SVIL: variants seen among roughly 807,000 people sequenced by gnomAD.
SVIL encodes supervillin.
In SVIL, 101 loss-of-function variants were observed where a neutral mutation model predicts 240.4. The ratio of observed to expected loss-of-function variants is 0.42; its 90% CI spans 0.36 to 0.50. The LOEUF (loss-of-function observed/expected upper bound fraction) is 0.50, where lower values mean the gene tolerates loss of function less well. Among genes scored for constraint, SVIL ranks in the 20% least tolerant of loss-of-function variants. The pLI, the probability that SVIL is intolerant of heterozygous loss-of-function variation, is 0.01. For synonymous variants in SVIL, 999 were observed against 1,100.0 expected (o/e 0.91, Z 1.82); for missense variants, 2,512 against 2,818.7 (o/e 0.89, Z 2.46).
intron 1 of SVIL, among the ~76,000 whole-genome samples, chr10:29,595,736 G>A (rs1384708653): frequency 6.6e-6 from 1 of 152,138 alleles, no homozygotes; most frequent in Non-Finnish European, 1.5e-5. Context: ...AGCAGGCAAC[G>A]CGGTCTTCGG....
intron 6 of SVIL, among the ~76,000 whole-genome samples, chr10:29,550,129 T>C (rs1024240627): frequency 5.9e-5 from 9 of 151,558 alleles, no homozygotes; most frequent in African/African-American, 1.9e-4. Context: ...GAACCTGTTT[T>C]GATATGGCTG....
At chr10:29,597,614 G>C (rs931797140) in intron 1 of SVIL, among the ~76,000 whole-genome samples, 1 of 151,996 alleles carries the variant, frequency 6.6e-6, no homozygotes, top group African/African-American at 2.4e-5. Flanking sequence ...TGGCCAGGCT[G>C]GTCTCGAACT....
intron 1 of SVIL, among the ~76,000 whole-genome samples, chr10:29,583,791 G>GA (rs1375732187): frequency 1.3e-5 from 2 of 152,222 alleles, no homozygotes; most frequent in Non-Finnish European, 2.9e-5. Flanking sequence ...GTGCCTTGGG[G>GA]AGGTCATGAC....
chr10:29,605,441 T>C (rs937306034), intron 1 of SVIL, among the ~76,000 whole-genome samples: 1 of 152,238 alleles, frequency 6.6e-6, no homozygotes, highest in African/African-American at 2.4e-5. Context: ...CCAGATATGG[T>C]ACATTTCTTT....
At chr10:29,653,484 T>C (rs561403179) in intron 3 of SVIL, among the ~76,000 whole-genome samples, 7 of 152,226 alleles carry the variant, frequency 4.6e-5, no homozygotes, top group African/African-American at 7.2e-5. Context: ...TAGTTCTTTA[T>C]AGCAATGCGA....
At chr10:29,694,071 A>G (rs1466168638) in intron 1 of SVIL, among the ~76,000 whole-genome samples, 1 of 152,062 alleles carries the variant, frequency 6.6e-6, no homozygotes, top group Non-Finnish European at 1.5e-5. Context: ...CCCCCTACCC[A>G]GAATTGTAAT....
rs368723537 is a variant in SVIL at position 29,550,986 on chromosome 10, G to A, written c.438C>T (p.Val146=). Residue 146 remains valine, a synonymous_variant, in exon 6 of 38, where the codon GTC becomes GTT. Transcript: ENST00000355867. Reference sequence around the variant, plus strand: ...TGTCACTTTTTCCTCCCCGCTTCTCGACAGCATCAGGCTCCTTCCTGGACT... The same window carrying A: ...TGTCACTTTTTCCTCCCCGCTTCTCAACAGCATCAGGCTCCTTCCTGGACT... The part of the protein sequence containing the change: ...YTKSRKEPDA[V]EKRGGKSDKQ... The A allele has an allele frequency of 2.1e-5, 34 of 1,613,946 alleles. No homozygotes were observed. In the Admixed American group the frequency reaches 4.8e-4, roughly 23 times the overall value.
At chr10:29,514,322 G>A (rs952390962) in intron 16 of SVIL, among the ~76,000 whole-genome samples, 1 of 151,442 alleles carries the variant, frequency 6.6e-6, no homozygotes, top group Non-Finnish European at 1.5e-5. Flanking sequence ...CTGCAGCCTC[G>A]AATTCCTGGG....
At chr10:29,554,730 C>T (rs918477114) in intron 5 of SVIL, 53 bp downstream of exon 5, 30 of 1,469,834 alleles carry the variant, frequency 2.0e-5, no homozygotes, top group African/African-American at 1.3e-4. Context: ...AAGGGCAACT[C>T]GTAACCAGCC....
intron 8 of SVIL, 27 bp downstream of exon 8, chr10:29,532,502 C>T (rs1246458478): frequency 6.3e-7 from 1 of 1,584,922 alleles, no homozygotes; most frequent in African/African-American, 1.3e-5. Flanking sequence ...AGTGACACAG[C>T]TGGAGGGCGT....
chr10:29,715,994 T>C (rs1963587903), intron 1 of SVIL, among the ~76,000 whole-genome samples: 1 of 152,230 alleles, frequency 6.6e-6, no homozygotes. Context: ...TAAAACATGT[T>C]CCATTAAACA....
intron 6 of SVIL, among the ~76,000 whole-genome samples, chr10:29,537,153 A>G (rs7919441): frequency 0.35 from 52,677 of 151,838 alleles, 10,492 homozygotes; most frequent in African/African-American, 0.56. Context: ...ATGGGATCAC[A>G]TTTTTAGTTG....
In SVIL at chr10:29,658,544, G is replaced by T. The variant is rs139095957; in HGVS notation, c.-300-476C>A. Among the ~76,000 whole-genome samples, 361 of 152,318 alleles carry T rather than the reference G, an allele frequency of 2.4e-3. 1 individual carries two copies. The highest frequency in any genetic ancestry group is 8.2e-3 in the African/African-American group (340 of 41,568). On this transcript the variant is annotated intron_variant, in intron 2 of 35. Coordinates refer to the SVIL transcript ENST00000375400. ...GGTTGAAGTGGGAGGACTGCTTGAG[G>T]CCAGGAGTTCAAGACCAGTCTGCAA...
At position 29,458,543 on chromosome 10, in the gene SVIL, G is replaced by A. The variant is rs2132254129; in HGVS notation, c.6449C>T (p.Ala2150Val). 1 of 1,611,794 alleles carries A rather than the reference G, an allele frequency of 6.2e-7. No individual in the cohort carries two copies. The highest frequency in any genetic ancestry group is 2.2e-5 in the East Asian group (1 of 44,848). The part of the protein sequence containing the change: ...NQITLVEDVL[A>V]KLCKTIYPLA... The stretch of plus-strand genomic sequence containing the variant: ...CGGGTAAATGGTTTTACAGAGCTTG[G>A]CTAAGACGTCTTCCACGAGGGTGAT... The change falls in exon 37 of 38, where the codon GCC (alanine) becomes GTC (valine). Residue 2150 changes from alanine to valine, a missense_variant. Around this residue, in one of 3 missense-constraint regions of SVIL, gnomAD observed 797 missense variants for 925.3 expected, o/e 0.86. Coordinates refer to ENST00000355867, the MANE Select transcript of SVIL (RefSeq NM_021738.3).
intron 1 of SVIL, among the ~76,000 whole-genome samples, chr10:29,708,861 A>G (rs1270535488): frequency 6.6e-6 from 1 of 152,148 alleles, no homozygotes; most frequent in Non-Finnish European, 1.5e-5. Flanking sequence ...AGCCAATAGA[A>G]CAAAAACAAA....
At chr10:29,464,655 C>G (rs1049393503) in intron 34 of SVIL, among the ~76,000 whole-genome samples, 1 of 152,084 alleles carries the variant, frequency 6.6e-6, no homozygotes, top group Non-Finnish European at 1.5e-5. Flanking sequence ...TGATAACCCG[C>G]CCTGAGCCCC....
Position 29,463,638 on chromosome 10 carries a change from G to GT in SVIL, c.6134-4dup. The GT allele has an allele frequency of 6.2e-7, 1 of 1,613,758 alleles. No homozygotes were observed. The highest frequency in any genetic ancestry group is 8.5e-7 in the Non-Finnish European group (1 of 1,179,844). The stretch of plus-strand genomic sequence containing the variant: ...GTGATTGTCAACAAGGAAAAGTGCT[G>GT]TGAGGGCAGGGACAGGGCCAGACCA... On this transcript the variant is annotated splice_polypyrimidine_tract_variant and splice_region_variant and intron_variant, in intron 34 of 37. Coordinates refer to ENST00000355867, the MANE Select transcript of SVIL (RefSeq NM_021738.3).
rs746667526 is a variant in SVIL at position 29,470,318 on chromosome 10, G to A, written c.5801C>T (p.Thr1934Met). Reference sequence around the variant, plus strand: ...CGCAGCGGTCCTTCCGACCTCCTTCGTGTGGGCCTGGGCTTTGCATCCGTG... The same window carrying A: ...CGCAGCGGTCCTTCCGACCTCCTTCATGTGGGCCTGGGCTTTGCATCCGTG... ...LWHGCKAQAH[T>M]KEVGRTAANK... Residue 1934 changes from threonine (T) to methionine (M), a missense_variant, in exon 32 of 38, where the codon ACG becomes ATG. Around this residue, in one of 3 missense-constraint regions of SVIL, gnomAD observed 797 missense variants for 925.3 expected, o/e 0.86. Coordinates refer to ENST00000355867, the MANE Select transcript of SVIL (RefSeq NM_021738.3). 2.1e-5 allele frequency: 34 copies of A among 1,614,038 alleles called. No individual in the cohort carries two copies. The highest frequency in any genetic ancestry group is 8.9e-5 in the East Asian group (4 of 44,892).
chr10:29,622,729 C>T (rs527494866), intron 1 of SVIL, among the ~76,000 whole-genome samples: 7 of 152,200 alleles, frequency 4.6e-5, no homozygotes, highest in South Asian at 2.1e-4. Context: ...GAAACACAAA[C>T]GTAGGAAAGA....
Sources: allele counts gnomAD v4.1 joint callset (sites outside exome capture counted in the v4.1 genomes callset), GRCh38; gene constraint gnomAD v4.1.1; regional missense constraint gnomAD v4.1.1; transcripts MANE v1.5; gene names NCBI Gene and HGNC (gene_info 2026-07-23, HGNC 2026-07-21).